Variants in PHF11 observed in about 807,000 individuals in gnomAD.
The protein encoded by PHF11 is BRCA1 C-terminus-associated protein.
A neutral mutation model predicts 40.5 loss-of-function variants in PHF11; 38 were observed. The ratio of observed to expected loss-of-function variants is 0.94; its 90% CI spans 0.72 to 1.23. The LOEUF (loss-of-function observed/expected upper bound fraction) is 1.23, where lower values mean the gene tolerates loss of function less well. PHF11 is among the 50% of genes most tolerant of loss of function. The pLI is 0.00. For synonymous variants in PHF11, 127 were observed against 138.2 expected (o/e 0.92, Z 0.57); for missense variants, 369 against 392.4 (o/e 0.94, Z 0.50).
chr13:49,521,927 T>C (rs1019388943), intron 5 of PHF11, 116 bp from the exon 6 acceptor site: 1 of 538,640 alleles, frequency 1.9e-6, no homozygotes, highest in African/African-American at 1.9e-5. Flanking sequence ...TAGTTGAAGT[T>C]TGCCATATCT....
rs1245979129 is a variant in PHF11 at position 49,524,176 on chromosome 13, A to C, written c.729A>C (p.Ser243=). Residue 243 remains serine, a synonymous_variant, in exon 8 of 10, where the codon TCA becomes TCC. Coordinates refer to ENST00000378319, the MANE Select transcript of PHF11 (RefSeq NM_001040443.3). ...LLEEILDKVH[S]IPEKLMDETT... is the part of the protein sequence containing the mutation. ...AAGAAATATTAGACAAAGTTCATTCAATTCCAGAAAAACTCATGGATGAGA... is the reference window on the plus strand; with the variant it reads ...AAGAAATATTAGACAAAGTTCATTCCATTCCAGAAAAACTCATGGATGAGA... 1 of 1,610,178 alleles carries C rather than the reference A, an allele frequency of 6.2e-7. No homozygotes were observed. The highest frequency in any genetic ancestry group is 8.5e-7 in the Non-Finnish European group (1 of 1,177,014).
chr13:49,522,283 A>G lies in PHF11; in HGVS notation c.570+176A>G, dbSNP rs554558180. Among the ~76,000 whole-genome samples the G allele has an allele frequency of 2.6e-5, 4 of 152,352 alleles. No homozygotes were observed. In the East Asian group the frequency reaches 7.7e-4, roughly 29 times the overall value. ...CTCCTGAGGTTGCCTTTTTAGGAAG[A>G]ATCCCATAGTCGGGAAGCTCTTAGA... On this transcript the variant is annotated intron_variant, in intron 6 of 9. Transcript: ENST00000378319.
In PHF11 at chr13:49,524,184, A is replaced by G. The variant is rs1594223956; in HGVS notation, c.737A>G (p.Glu246Gly). The change falls in exon 8 of 10, where the codon GAA becomes GGA. Residue 246 changes from glutamate to glycine, a missense_variant. Physicochemically the swap from Glu to Gly is moderately conservative, Grantham distance 98. Coordinates refer to ENST00000378319, the MANE Select transcript of PHF11 (RefSeq NM_001040443.3). ...EILDKVHSIP[E>G]KLMDETTSES... is the part of the protein sequence containing the mutation. ...TTAGACAAAGTTCATTCAATTCCAGAAAAACTCATGGATGAGACTACTTCA... is the reference window on the plus strand; with the variant it reads ...TTAGACAAAGTTCATTCAATTCCAGGAAAACTCATGGATGAGACTACTTCA... 1 of 1,610,490 alleles carries G rather than the reference A, an allele frequency of 6.2e-7. No individual in the cohort carries two copies. Among genetic ancestry groups the G allele is most frequent in the Non-Finnish European group, 8.5e-7 (1 of 1,177,268 alleles).
At chr13:49,513,187 T>C (rs1959100986) in intron 3 of PHF11, 21 bp downstream of exon 3, 1 of 1,136,614 alleles carries the variant, frequency 8.8e-7, no homozygotes, top group Admixed American at 1.7e-5. Flanking sequence ...ATGATGTTAT[T>C]TCTTATACTG....
chr13:49,503,246 A>C (rs1958934446), intron 1 of PHF11, among the ~76,000 whole-genome samples: 2 of 147,700 alleles, frequency 1.4e-5, no homozygotes, highest in East Asian at 2.0e-4. Context: ...AACCCACCCC[A>C]CCTTTCCCTC....
In PHF11 at chr13:49,523,377, T is replaced by C. The variant is rs574646784; in HGVS notation, c.637+136T>C. The C allele has an allele frequency of 4.7e-6, 3 of 638,424 alleles. No individual in the cohort carries two copies. The East Asian group carries it at 8.4e-5, about 18-fold the overall frequency. 39.5% of individuals were successfully genotyped at this position (638,424 alleles called of 1,614,324 possible). ...GTGGTAATTAATGAGTATAAATCTT[T>C]ATCGCAACTGTCCACTCTATTGTAA... is the stretch of plus-strand genomic sequence containing the variant. On this transcript the variant is annotated intron_variant, in intron 7 of 9. Coordinates refer to ENST00000378319, the MANE Select transcript of PHF11 (RefSeq NM_001040443.3).
At chr13:49,521,579 C>A in intron 5 of PHF11, 1 of 656,476 alleles carries the variant, frequency 1.5e-6, no homozygotes, top group Non-Finnish European at 1.9e-6. Context: ...AAGGCTATTA[C>A]AGATACTTCT....
chr13:49,498,313 G>A (rs992585119), intron 1 of PHF11, among the ~76,000 whole-genome samples: 1 of 152,236 alleles, frequency 6.6e-6, no homozygotes, highest in African/African-American at 2.4e-5. Context: ...TCCATTTCAG[G>A]TAGATCATTC....
At chr13:49,516,280 G>C (rs1959153347) in intron 3 of PHF11, among the ~76,000 whole-genome samples, 1 of 151,924 alleles carries the variant, frequency 6.6e-6, no homozygotes, top group African/African-American at 2.4e-5. Flanking sequence ...TAAGCTTCAC[G>C]TGGACAGGCA....
intron 2 of PHF11, among the ~76,000 whole-genome samples, chr13:49,512,735 G>T (rs1331969897): frequency 6.6e-6 from 1 of 152,104 alleles, no homozygotes; most frequent in Non-Finnish European, 1.5e-5. Flanking sequence ...CTCTAACCAC[G>T]TGGCTTCAGC....
At chr13:49,518,820 A>C (rs1476179492) in intron 4 of PHF11, 2 of 146,292 alleles carry the variant, frequency 1.4e-5, no homozygotes, top group Non-Finnish European at 3.0e-5. Flanking sequence ...CCATTGAAAG[A>C]AGCTTGCTAA....
intron 1 of PHF11, among the ~76,000 whole-genome samples, chr13:49,501,017 G>GATTTTTTTTTTT (rs1958897939): frequency 9.2e-6 from 1 of 108,826 alleles, no homozygotes; most frequent in Admixed American, 1.0e-4. Flanking sequence ...TTTTTTTTTG[G>GATTTTTTTTTTT]TTTTTTTTTT....
chr13:49,521,364 G>A (rs1013007689), intron 5 of PHF11: 1 of 988,574 alleles, frequency 1.0e-6, no homozygotes, highest in Non-Finnish European at 1.2e-6. Context: ...CTGGCTAACT[G>A]GAGTCATGGG....
rs565725528 is a variant in PHF11, at chr13:49,501,010, T to G, written c.94+4915T>G. Among the ~76,000 whole-genome samples the G allele has an allele frequency of 3.9e-3, 475 of 121,130 alleles. 31 individuals carry two copies. Among genetic ancestry groups the G allele is most frequent in the Middle Eastern group, 0.036 (9 of 252 alleles). The allele number at this position is 121,130 out of a possible 152,430, so 79.5% of individuals were successfully genotyped here. A position where few individuals can be genotyped will look rare whatever the true frequency, so the allele number is the denominator to read the frequency against. On this transcript the variant is annotated intron_variant, in intron 1 of 9. Coordinates refer to ENST00000378319, the MANE Select transcript of PHF11 (RefSeq NM_001040443.3). ...GAGTCACCAACTTTTGTTTTTTTTT[T>G]TTTTTGGTTTTTTTTTTTCTGAAAT... is the stretch of plus-strand genomic sequence containing the variant.
At chr13:49,517,372 C>T (rs1321926203) in intron 3 of PHF11, among the ~76,000 whole-genome samples, 1 of 152,186 alleles carries the variant, frequency 6.6e-6, no homozygotes, top group Non-Finnish European at 1.5e-5. Flanking sequence ...TGTGGCCACA[C>T]ACTGCCTAGC....
intron 1 of PHF11, among the ~76,000 whole-genome samples, chr13:49,498,172 A>G (rs1020369172): frequency 2.0e-5 from 3 of 152,252 alleles, no homozygotes; most frequent in African/African-American, 7.2e-5. Context: ...TAGTAGTAGG[A>G]CATAGTAGGT....
At chr13:49,526,543 A>G in intron 9 of PHF11, 85 bp downstream of exon 9, 1 of 778,510 alleles carries the variant, frequency 1.3e-6, no homozygotes, top group Admixed American at 2.2e-5. Context: ...ACAGGTGATA[A>G]AAATATTTTA....
At position 49,524,229 on chromosome 13, in the gene PHF11, A is replaced by G; in HGVS notation, c.769+13A>G. The G allele has an allele frequency of 3.8e-6, 6 of 1,593,014 alleles. No individual in the cohort carries two copies. The highest frequency in any genetic ancestry group is 5.1e-6 in the Non-Finnish European group (6 of 1,167,622). On this transcript the variant is annotated intron_variant, in intron 8 of 9. Coordinates refer to ENST00000378319, the MANE Select transcript of PHF11 (RefSeq NM_001040443.3). Reference sequence around the variant, plus strand: ...ACTTCAGAATCAGGTACTGATGAAGAGCAATATTTCGAAGTATAGAGACTT... The same window carrying G: ...ACTTCAGAATCAGGTACTGATGAAGGGCAATATTTCGAAGTATAGAGACTT...
At chr13:49,513,328 AT>A (rs5803468) in intron 3 of PHF11, among the ~76,000 whole-genome samples, 162 bp downstream of exon 3, 54,276 of 126,032 alleles carry the variant, frequency 0.43, 9,856 homozygotes, top group Middle Eastern at 0.48. Context: ...TTAACATTTA[AT>A]TTTTTTTTTT....
Sources: gnomAD v4.1 joint callset for allele counts (sites outside exome capture counted in the v4.1 genomes callset) on GRCh38, gnomAD v4.1.1 for gene constraint, MANE v1.5 for transcripts, NCBI Gene and HGNC (gene_info 2026-07-23, HGNC 2026-07-21) for gene names.